Variants in DIAPH3 observed in about 807,000 individuals in gnomAD.
DIAPH3 encodes the protein diaphanous related formin 3, also known as protein diaphanous homolog 3.
DIAPH3 carries 117 observed loss-of-function variants against 144.3 expected under a neutral mutation model. The ratio of observed to expected loss-of-function variants is 0.81; its 90% CI spans 0.70 to 0.95. The LOEUF (loss-of-function observed/expected upper bound fraction) is 0.95. Among genes scored for constraint, DIAPH3 ranks in the 40% least tolerant of loss-of-function variants. The pLI is 0.00. For synonymous variants in DIAPH3, 519 were observed against 488.9 expected (o/e 1.06, Z -0.81); for missense variants, 1,421 against 1,412.7 (o/e 1.01, Z -0.09).
intron 3 of DIAPH3, among the ~76,000 whole-genome samples, chr13:60,105,397 T>C (rs2058390574): frequency 6.6e-6 from 1 of 152,158 alleles, no homozygotes; most frequent in Admixed American, 6.5e-5. Flanking sequence ...AATTCCTCCC[T>C]CTAACCATTT....
intron 20 of DIAPH3, 140 bp from the exon 21 acceptor site, chr13:59,879,608 G>A (rs1181471008): frequency 2.4e-6 from 3 of 1,232,260 alleles, no homozygotes; most frequent in Non-Finnish European, 3.3e-6. Flanking sequence ...ATAGCAGGAA[G>A]AGAGAAAAGC....
chr13:60,118,572 A>G (rs1266234000), intron 2 of DIAPH3, among the ~76,000 whole-genome samples: 1 of 151,950 alleles, frequency 6.6e-6, no homozygotes, highest in African/African-American at 2.4e-5. Context: ...GAAATTCTCT[A>G]TTTTCAGGCA....
intron 22 of DIAPH3, among the ~76,000 whole-genome samples, chr13:59,857,873 G>A (rs1443150271): frequency 6.6e-6 from 1 of 152,148 alleles, no homozygotes; most frequent in African/African-American, 2.4e-5. Flanking sequence ...GCTCTGCATT[G>A]AGATGCTGAA....
chr13:59,858,526 A>G (rs1288283669), intron 22 of DIAPH3, among the ~76,000 whole-genome samples: 1 of 152,210 alleles, frequency 6.6e-6, no homozygotes, highest in Non-Finnish European at 1.5e-5. Flanking sequence ...TGGTGGAATT[A>G]TAACTCTAAA....
chr13:60,064,042 G>A (rs1200004182), intron 4 of DIAPH3, among the ~76,000 whole-genome samples: 1 of 152,144 alleles, frequency 6.6e-6, no homozygotes, highest in Non-Finnish European at 1.5e-5. Context: ...CTGAATAGTA[G>A]GTCTCAACAA....
At chr13:59,719,581 A>C (rs1439282896) in intron 27 of DIAPH3, among the ~76,000 whole-genome samples, 1 of 152,028 alleles carries the variant, frequency 6.6e-6, no homozygotes, top group Non-Finnish European at 1.5e-5. Flanking sequence ...CACGCTGCTC[A>C]TGGCCTATCT....
chr13:59,963,003 T>C (rs541459922), intron 17 of DIAPH3, among the ~76,000 whole-genome samples: 9 of 152,270 alleles, frequency 5.9e-5, no homozygotes, highest in African/African-American at 1.7e-4. Flanking sequence ...GAGGTTAAAG[T>C]ATGTGGGTTT....
intron 27 of DIAPH3, among the ~76,000 whole-genome samples, chr13:59,745,060 T>C (rs905032918): frequency 3.9e-5 from 6 of 152,170 alleles, no homozygotes; most frequent in Non-Finnish European, 8.8e-5. Flanking sequence ...CTTGCTATAG[T>C]TGCTTTCATG....
In DIAPH3 at chr13:59,701,827, G is replaced by T. The variant is rs190864042; in HGVS notation, c.3320-34981C>A. Among the ~76,000 whole-genome samples the T allele has an allele frequency of 2.9e-3, 445 of 152,234 alleles. 2 individuals are homozygous for T. Among genetic ancestry groups the T allele is most frequent in the African/African-American group, 9.4e-3 (391 of 41,550 alleles). ...CATTCTTACCACCCTGTATTCATCT[G>T]CCCACCTGCACAGATCTGCAAGGTC... On this transcript the variant is annotated intron_variant, in intron 27 of 27. Transcript: ENST00000400324.
chr13:59,795,470 T>C (rs1253304878), intron 25 of DIAPH3, among the ~76,000 whole-genome samples: 5 of 151,366 alleles, frequency 3.3e-5, no homozygotes, highest in Non-Finnish European at 4.4e-5. Flanking sequence ...TTTTTTTTTT[T>C]TTGAGATGGA....
chr13:59,953,945 C>A (rs1463768043), intron 17 of DIAPH3, among the ~76,000 whole-genome samples: 1 of 152,162 alleles, frequency 6.6e-6, no homozygotes, highest in Non-Finnish European at 1.5e-5. Flanking sequence ...AAATGAAAGG[C>A]TATCGCTGTT....
At chr13:60,082,634 C>G (rs943573558) in intron 4 of DIAPH3, among the ~76,000 whole-genome samples, 1 of 151,922 alleles carries the variant, frequency 6.6e-6, no homozygotes, top group Non-Finnish European at 1.5e-5. Context: ...TTATATCCAA[C>G]AAAGCTGACT....
intron 25 of DIAPH3, among the ~76,000 whole-genome samples, chr13:59,777,980 T>A (rs770179273): frequency 6.6e-6 from 1 of 152,206 alleles, no homozygotes; most frequent in Non-Finnish European, 1.5e-5. Flanking sequence ...GATAATTACA[T>A]TGTACCAATG....
intron 3 of DIAPH3, among the ~76,000 whole-genome samples, chr13:60,100,676 T>C (rs2058243377): frequency 6.6e-6 from 1 of 152,124 alleles, no homozygotes; most frequent in Admixed American, 6.6e-5. Flanking sequence ...TCTAAAATTA[T>C]TTCAAAATAA....
At chr13:59,979,319 T>A (rs1044560668) in intron 14 of DIAPH3, among the ~76,000 whole-genome samples, 1 of 151,614 alleles carries the variant, frequency 6.6e-6, no homozygotes, top group African/African-American at 2.4e-5. Flanking sequence ...CTGGGATGTA[T>A]CCAAATCAAG....
chr13:59,922,454 A>G (rs888153105), intron 18 of DIAPH3, among the ~76,000 whole-genome samples: 1 of 152,032 alleles, frequency 6.6e-6, no homozygotes, highest in Non-Finnish European at 1.5e-5. Flanking sequence ...TCTAGTACAT[A>G]CCCATAATAT....
At chr13:59,754,188 T>C (rs7982838) in intron 27 of DIAPH3, among the ~76,000 whole-genome samples, 50,889 of 151,990 alleles carry the variant, frequency 0.33, 8,858 homozygotes, top group African/African-American at 0.41. Flanking sequence ...CCAGAAAAAG[T>C]AATCTCCTGA....
intron 5 of DIAPH3, among the ~76,000 whole-genome samples, chr13:60,038,499 T>TG (rs2055390322): frequency 3.3e-5 from 5 of 152,152 alleles, no homozygotes; most frequent in Admixed American, 3.3e-4. Flanking sequence ...GAAGAAAAAA[T>TG]GGATTCCAAA....
At chr13:60,026,500 C>T (rs765684040) in intron 5 of DIAPH3, among the ~76,000 whole-genome samples, 12 of 151,908 alleles carry the variant, frequency 7.9e-5, no homozygotes, top group Non-Finnish European at 1.6e-4. Flanking sequence ...ATCAGGAAGA[C>T]AACGCATTAT....
Sources: gnomAD v4.1 joint callset for allele counts (sites outside exome capture counted in the v4.1 genomes callset) on GRCh38, gnomAD v4.1.1 for gene constraint, MANE v1.5 for transcripts, NCBI Gene and HGNC (gene_info 2026-07-23, HGNC 2026-07-21) for gene names.